The following LRRTM3 variants were observed in gnomAD, a reference collection of about 807,000 sequenced individuals.
LRRTM3 encodes the protein leucine rich repeat transmembrane neuronal 3, also known as leucine-rich repeat transmembrane neuronal protein 3.
Under a neutral mutation model 44.7 loss-of-function variants are expected in LRRTM3, and 24 were observed. The ratio of observed to expected loss-of-function variants is 0.54; its 90% CI spans 0.39 to 0.76. LRRTM3 has a LOEUF of 0.76. Among genes scored for constraint, LRRTM3 ranks in the 30% least tolerant of loss-of-function variants. LRRTM3 has a pLI of 0.00. For synonymous variants in LRRTM3, 277 were observed against 278.7 expected (o/e 0.99, Z 0.06); for missense variants, 587 against 702.2 (o/e 0.84, Z 1.85).
chr10:66,972,139 C>T (rs1252793071), intron 2 of LRRTM3, among the ~76,000 whole-genome samples: 2 of 152,106 alleles, frequency 1.3e-5, no homozygotes, highest in East Asian at 1.9e-4. Context: ...AGAATATCGC[C>T]TTCTCAAATT....
intron 2 of LRRTM3, among the ~76,000 whole-genome samples, chr10:66,984,577 T>A (rs2132899219): frequency 6.6e-6 from 1 of 152,288 alleles, no homozygotes; most frequent in South Asian, 2.1e-4. Context: ...ATAAACTTGA[T>A]CTTCAAAATA....
chr10:67,047,779 G>A (rs1854845074), intron 2 of LRRTM3, among the ~76,000 whole-genome samples: 1 of 151,974 alleles, frequency 6.6e-6, no homozygotes, highest in Non-Finnish European at 1.5e-5. Flanking sequence ...ATTAACAGGT[G>A]GCTTTCCCCT....
rs146784660 is a variant in LRRTM3 at position 67,013,337 on chromosome 10, T to A, written c.1537-84250T>A. 3.5e-3 allele frequency among the ~76,000 whole-genome samples: 537 copies of A among 152,318 alleles called. 4 individuals are homozygous for A. The highest frequency in any genetic ancestry group is 0.012 in the African/African-American group (505 of 41,576). On this transcript the variant is annotated intron_variant, in intron 2 of 2. Coordinates refer to ENST00000361320, the MANE Select transcript of LRRTM3 (RefSeq NM_178011.5). ...CTGTTTATTTCAGTGAGTAGTTATT[T>A]CAGTTTTTAATAGATATGTTTTCCT... is the stretch of plus-strand genomic sequence containing the variant.
chr10:67,019,301 C>T (rs1320571510), intron 2 of LRRTM3, among the ~76,000 whole-genome samples: 3 of 152,198 alleles, frequency 2.0e-5, no homozygotes, highest in Admixed American at 6.5e-5. Flanking sequence ...TCACCACAAC[C>T]TCTGCCTTCC....
chr10:66,977,827 T>C (rs952190267), intron 2 of LRRTM3, among the ~76,000 whole-genome samples: 3 of 152,228 alleles, frequency 2.0e-5, no homozygotes, highest in African/African-American at 4.8e-5. Flanking sequence ...AGATATGTCA[T>C]GCTTTATAGC....
At chr10:67,092,400 T>C (rs1398902022) in intron 2 of LRRTM3, among the ~76,000 whole-genome samples, 2 of 151,974 alleles carry the variant, frequency 1.3e-5, no homozygotes, top group African/African-American at 2.4e-5. Context: ...GGCCTTTTTG[T>C]TATTCCTTCA....
intron 2 of LRRTM3, among the ~76,000 whole-genome samples, chr10:67,045,208 T>C (rs1222456448): frequency 1.3e-5 from 2 of 152,176 alleles, no homozygotes; most frequent in African/African-American, 4.8e-5. Context: ...GTGGTATTCT[T>C]AGTTCTTGAG....
At chr10:67,000,513 G>A (rs1324908622) in intron 2 of LRRTM3, among the ~76,000 whole-genome samples, 2 of 152,178 alleles carry the variant, frequency 1.3e-5, no homozygotes, top group Non-Finnish European at 2.9e-5. Context: ...CTTAAGGCCA[G>A]TTCAGTAATC....
At chr10:67,017,176 G>T (rs1028587881) in intron 2 of LRRTM3, among the ~76,000 whole-genome samples, 1 of 152,122 alleles carries the variant, frequency 6.6e-6, no homozygotes, top group Non-Finnish European at 1.5e-5. Flanking sequence ...TTAATATTTT[G>T]TGATTTCCAA....
At chr10:66,944,768 G>C (rs987289511) in intron 2 of LRRTM3, among the ~76,000 whole-genome samples, 2 of 152,150 alleles carry the variant, frequency 1.3e-5, no homozygotes, top group African/African-American at 4.8e-5. Flanking sequence ...CTGATTCATA[G>C]GCTGCAGAAT....
At chr10:67,076,014 TAA>T (rs1856728655) in intron 2 of LRRTM3, among the ~76,000 whole-genome samples, 1 of 152,202 alleles carries the variant, frequency 6.6e-6, no homozygotes, top group African/African-American at 2.4e-5. Context: ...AATTTACCAG[TAA>T]AATGCAGAAC....
intron 2 of LRRTM3, among the ~76,000 whole-genome samples, chr10:67,029,336 C>G (rs1384170826): frequency 1.3e-5 from 2 of 152,062 alleles, no homozygotes; most frequent in Non-Finnish European, 2.9e-5. Context: ...AATTTGTAAG[C>G]AAATAGGGTC....
chr10:66,988,261 A>G (rs1330289443), intron 2 of LRRTM3, among the ~76,000 whole-genome samples: 1 of 152,204 alleles, frequency 6.6e-6, no homozygotes, highest in Non-Finnish European at 1.5e-5. Context: ...TCATTGAGGT[A>G]GGATTATATT....
At chr10:67,009,959 C>T (rs1051705151) in intron 2 of LRRTM3, among the ~76,000 whole-genome samples, 2 of 152,258 alleles carry the variant, frequency 1.3e-5, no homozygotes, top group East Asian at 1.9e-4. Context: ...AGCAAGAACC[C>T]TGTCATTCTA....
intron 2 of LRRTM3, among the ~76,000 whole-genome samples, chr10:67,015,768 C>T (rs1227900049): frequency 6.6e-6 from 1 of 151,954 alleles, no homozygotes; most frequent in Non-Finnish European, 1.5e-5. Context: ...TTCTTAGGAT[C>T]ACCAATTACG....
intron 2 of LRRTM3, among the ~76,000 whole-genome samples, chr10:66,950,402 A>T (rs1589475863): frequency 1.3e-5 from 2 of 152,140 alleles, no homozygotes; most frequent in East Asian, 3.9e-4. Flanking sequence ...AGGTTTTGAG[A>T]TATACTATAT....
intron 2 of LRRTM3, among the ~76,000 whole-genome samples, chr10:67,041,078 G>A (rs1427142720): frequency 6.6e-6 from 1 of 152,078 alleles, no homozygotes; most frequent in African/African-American, 2.4e-5. Flanking sequence ...CTGATAATAA[G>A]ATTAGTGTTA....
chr10:67,096,391 G>A (rs1589732962), intron 2 of LRRTM3, among the ~76,000 whole-genome samples: 1 of 151,818 alleles, frequency 6.6e-6, no homozygotes. Context: ...ATAATACCTA[G>A]GCCTTCTATT....
intron 2 of LRRTM3, among the ~76,000 whole-genome samples, chr10:67,043,431 A>T (rs182860755): frequency 3.9e-5 from 6 of 152,260 alleles, no homozygotes; most frequent in Admixed American, 3.9e-4. Context: ...GAAAGAAATG[A>T]TCTAAAAAAA....
Sources: gnomAD v4.1 joint callset for allele counts (sites outside exome capture counted in the v4.1 genomes callset) on GRCh38, gnomAD v4.1.1 for gene constraint, MANE v1.5 for transcripts, NCBI Gene and HGNC (gene_info 2026-07-23, HGNC 2026-07-21) for gene names.